Variants in KIF18A observed in about 807,000 individuals in gnomAD.
The protein encoded by KIF18A is kinesin-like protein KIF18A.
A neutral mutation model predicts 103.3 loss-of-function variants in KIF18A; 67 were observed. That is an observed-to-expected ratio of 0.65 (90% CI 0.53 to 0.79). KIF18A has a LOEUF of 0.79. Ranked by LOEUF, KIF18A falls within the 30% of genes least tolerant of loss-of-function variation. The pLI, the probability that KIF18A is intolerant of heterozygous loss-of-function variation, is 0.00. For missense variants in KIF18A, 1,032 were observed against 1,062.5 expected (o/e 0.97, Z 0.40); for synonymous variants, 367 against 355.5 (o/e 1.03, Z -0.36).
At chr11:28,104,085 A>C (rs1382217868) in intron 1 of KIF18A, among the ~76,000 whole-genome samples, 1 of 152,184 alleles carries the variant, frequency 6.6e-6, no homozygotes, top group Non-Finnish European at 1.5e-5. Context: ...TCAATTTTTA[A>C]CTTATAACAT....
rs781568819 is a variant in KIF18A, at chr11:28,094,657, C to T, written c.469G>A (p.Val157Ile). 6.2e-7 allele frequency: 1 copy of T among 1,610,572 alleles called. No individual in the cohort carries two copies. Among genetic ancestry groups the T allele is most frequent in the South Asian group, 1.1e-5 (1 of 90,928 alleles). Residue 157 changes from valine (V) to isoleucine (I), a missense_variant, in exon 3 of 17, where the codon GTT becomes ATT. Val to Ile is a conservative substitution (Grantham distance 29). Transcript: ENST00000263181. ...TCCCAACTTACCTCCAGATATGAAACTGCAGTACTACATATTTTCTCTTCT... is the reference window on the plus strand; with the variant it reads ...TCCCAACTTACCTCCAGATATGAAATTGCAGTACTACATATTTTCTCTTCT... ...IKEEKICSTA[V>I]SYLEVYNEQI...
At chr11:28,099,668 T>G (rs1851421028) in intron 1 of KIF18A, among the ~76,000 whole-genome samples, 2 of 151,506 alleles carry the variant, frequency 1.3e-5, no homozygotes, top group South Asian at 4.2e-4. Flanking sequence ...TTGAAGGAGG[T>G]GAGGGAGTTA....
In KIF18A at chr11:28,059,168, A is replaced by G. The variant is rs1850826174; in HGVS notation, c.1713-7T>C. On this transcript the variant is annotated splice_region_variant and splice_polypyrimidine_tract_variant and intron_variant, in intron 12 of 16. Coordinates refer to ENST00000263181, the MANE Select transcript of KIF18A (RefSeq NM_031217.4). ...AAGTAAAGCATTCAATACTCTATAT[A>G]CAGAAGATGAGAAGAAAGGAGAGAT... The G allele has an allele frequency of 1.3e-6, 2 of 1,563,854 alleles. No homozygotes were observed. The highest frequency in any genetic ancestry group is 2.7e-5 in the African/African-American group (2 of 73,714).
At chr11:28,066,333 G>C (rs1255787055) in intron 11 of KIF18A, among the ~76,000 whole-genome samples, 1 of 151,840 alleles carries the variant, frequency 6.6e-6, no homozygotes, top group East Asian at 1.9e-4. Context: ...GGGTTATCCA[G>C]CTGTTTTCTT....
chr11:28,066,285 A>G, intron 11 of KIF18A, among the ~76,000 whole-genome samples: 1 of 152,042 alleles, frequency 6.6e-6, no homozygotes, highest in East Asian at 1.9e-4. Context: ...CAAGAGAATC[A>G]ACTCTTGTGT....
intron 12 of KIF18A, 76 bp from the exon 13 acceptor site, chr11:28,059,237 C>A: frequency 2.0e-6 from 2 of 978,302 alleles, no homozygotes; most frequent in Non-Finnish European, 1.6e-6. Flanking sequence ...TTTTATGTAA[C>A]ACCCAAAGCA....
chr11:28,075,707 C>T (rs942711816), intron 10 of KIF18A, among the ~76,000 whole-genome samples: 1 of 152,052 alleles, frequency 6.6e-6, no homozygotes, highest in Non-Finnish European at 1.5e-5. Flanking sequence ...ATTTCTCCAT[C>T]TGTTTTGTAA....
intron 13 of KIF18A, among the ~76,000 whole-genome samples, chr11:28,044,437 C>A (rs1012827596): frequency 1.1e-4 from 17 of 152,010 alleles, no homozygotes; most frequent in South Asian, 4.1e-4. Context: ...ATAAGTCCAA[C>A]CCTAGTTTTG....
At chr11:28,034,046 G>C (rs868066461) in intron 15 of KIF18A, among the ~76,000 whole-genome samples, 22 of 151,678 alleles carry the variant, frequency 1.5e-4, no homozygotes, top group South Asian at 2.1e-4. Context: ...CTCTTCTGCT[G>C]TATGTAATCT....
At chr11:28,052,492 C>T (rs1284727311) in intron 13 of KIF18A, among the ~76,000 whole-genome samples, 3 of 151,908 alleles carry the variant, frequency 2.0e-5, no homozygotes, top group Non-Finnish European at 4.4e-5. Context: ...GATTGTGTCC[C>T]TCTACCTAAA....
chr11:28,087,140 C>T (rs1317036735), intron 6 of KIF18A, among the ~76,000 whole-genome samples: 2 of 152,152 alleles, frequency 1.3e-5, no homozygotes, highest in African/African-American at 2.4e-5. Context: ...AGGTTTCTTA[C>T]ATAGGTATAC....
At chr11:28,086,430 ATT>A (rs1851229028) in intron 6 of KIF18A, among the ~76,000 whole-genome samples, 1 of 152,194 alleles carries the variant, frequency 6.6e-6, no homozygotes, top group Admixed American at 6.5e-5. Context: ...TAACAAATAA[ATT>A]TTGTTAAGTT....
At chr11:28,029,806 T>G (rs1379610886) in intron 15 of KIF18A, among the ~76,000 whole-genome samples, 2 of 130,930 alleles carry the variant, frequency 1.5e-5, no homozygotes, top group African/African-American at 2.9e-5. Flanking sequence ...AAAATCTCCT[T>G]AAGCTGATAA....
intron 11 of KIF18A, among the ~76,000 whole-genome samples, chr11:28,068,632 C>T (rs1850969027): frequency 6.6e-6 from 1 of 152,050 alleles, no homozygotes; most frequent in Non-Finnish European, 1.5e-5. Context: ...TCCTCTTCTT[C>T]TGGCTTAGGT....
Position 28,091,411 on chromosome 11 carries a change from G to A in KIF18A, c.586C>T (p.Gln196Ter). The A allele has an allele frequency of 1.3e-6, 2 of 1,537,166 alleles. No homozygotes were observed. Among genetic ancestry groups the A allele is most frequent in the Non-Finnish European group, 1.8e-6 (2 of 1,112,578 alleles). The change falls in exon 4 of 17, where the codon CAG becomes TAG. Residue 196 changes from glutamine (Q) to a stop codon, truncating the protein, a stop_gained and splice_region_variant. Transcript: ENST00000263181. LOFTEE classifies it high-confidence loss of function. Reference sequence around the variant, plus strand: ...GAAAAAGATGTTTATATACATACCTGGTGTAAAGTAAGTCCATGAACGACC... The same window carrying A: ...GAAAAAGATGTTTATATACATACCTAGTGTAAAGTAAGTCCATGAACGACC... ...GVVVHGLTLH[Q>*]PKSSEEILHL...
chr11:28,076,721 G>T, intron 10 of KIF18A: 1 of 168,156 alleles, frequency 5.9e-6, no homozygotes, highest in Admixed American at 6.3e-5. Flanking sequence ...ATCACCTGAA[G>T]TCAGGAGTTC....
intron 13 of KIF18A, among the ~76,000 whole-genome samples, chr11:28,055,158 A>C (rs922536272): frequency 1.2e-4 from 18 of 152,198 alleles, no homozygotes; most frequent in Non-Finnish European, 1.9e-4. Context: ...AAAAGAATAC[A>C]TATGTGTATA....
intron 13 of KIF18A, among the ~76,000 whole-genome samples, chr11:28,055,258 G>A (rs1002401384): frequency 1.3e-5 from 2 of 152,128 alleles, no homozygotes; most frequent in Non-Finnish European, 2.9e-5. Flanking sequence ...TAATAATAAA[G>A]ATGGAGATAA....
In KIF18A at chr11:28,094,775, A is replaced by G. The variant is rs764850718; in HGVS notation, c.351T>C (p.Ala117=). ...ATCCTAGCATAGTGTGGGTCTTCCC[A>G]GCACCAGTGGCACCATAGGCAAGTA... ...CTVLAYGATG[A]GKTHTMLGSA... is the part of the protein sequence containing the mutation. The change falls in exon 3 of 17, where the codon GCT becomes GCC. Residue 117 remains alanine, a synonymous_variant. Transcript: ENST00000263181. 1 of 1,614,058 alleles carries G rather than the reference A, an allele frequency of 6.2e-7. No homozygotes were observed. Among genetic ancestry groups the G allele is most frequent in the Non-Finnish European group, 8.5e-7 (1 of 1,179,950 alleles).
Sources: allele counts gnomAD v4.1 joint callset (sites outside exome capture counted in the v4.1 genomes callset), GRCh38; gene constraint gnomAD v4.1.1; transcripts MANE v1.5; gene names NCBI Gene and HGNC (gene_info 2026-07-23, HGNC 2026-07-21).